The following ANKRD36C variants were observed in gnomAD, a reference collection of about 807,000 sequenced individuals.
ANKRD36C encodes the protein ankyrin repeat domain 36C, also known as ankyrin repeat domain-containing protein 36C.
Under a neutral mutation model 276.4 loss-of-function variants are expected in ANKRD36C, and 61 were observed. That is an observed-to-expected ratio of 0.22 (90% CI 0.18 to 0.27). The LOEUF (loss-of-function observed/expected upper bound fraction) is 0.27, where lower values mean the gene tolerates loss of function less well. ANKRD36C is among the 10% of genes least tolerant of loss of function. The probability of loss-of-function intolerance (pLI) is 1.00; values close to 1 mark genes in which losing one functional copy is unlikely to be tolerated. For synonymous variants in ANKRD36C, 483 were observed against 680.1 expected, an observed-to-expected ratio of 0.71 and a Z score of 4.51; for missense variants, 1,447 against 2,032.3, an observed-to-expected ratio of 0.71 and a Z score of 5.54.
intron 60 of ANKRD36C, among the ~76,000 whole-genome samples, chr2:95,863,173 T>G (rs1023598434): frequency 6.6e-6 from 1 of 152,038 alleles, no homozygotes; most frequent in Admixed American, 6.6e-5. Flanking sequence ...TAATTATAGA[T>G]TCTACAGATA....
exon 63 of ANKRD36C, chr2:95,855,460 G>A (rs755448261): frequency 9.3e-6 from 15 of 1,612,214 alleles, no homozygotes; most frequent in African/African-American, 2.7e-5. Flanking sequence ...GCTTTGTTGC[G>A]AGCATCATCC....
chr2:95,927,182 A>G (rs1305431493), intron 28 of ANKRD36C, 32 bp downstream of exon 28: 1 of 1,607,654 alleles, frequency 6.2e-7, no homozygotes. Context: ...ATCTTGACTG[A>G]ACATGACATT....
intron 3 of ANKRD36C, among the ~76,000 whole-genome samples, chr2:95,984,946 T>G (rs2918833): frequency 6.6e-6 from 1 of 152,218 alleles, no homozygotes; most frequent in Admixed American, 6.5e-5. Context: ...TTATGCCACA[T>G]TTCTAGGTAC....
intron 14 of ANKRD36C, among the ~76,000 whole-genome samples, chr2:95,953,552 A>C (rs867110416): frequency 2.1e-4 from 32 of 152,112 alleles, no homozygotes; most frequent in South Asian, 8.3e-4. Flanking sequence ...TGATGTATTA[A>C]AGATTCATTT....
intron 60 of ANKRD36C, among the ~76,000 whole-genome samples, chr2:95,865,393 A>C (rs1675664460): frequency 1.3e-5 from 2 of 152,222 alleles, no homozygotes; most frequent in African/African-American, 4.8e-5. Context: ...GATCTAGCAC[A>C]GTCAAAACAG....
chr2:95,864,206 G>A (rs1044453865), intron 60 of ANKRD36C, among the ~76,000 whole-genome samples: 2 of 152,060 alleles, frequency 1.3e-5, no homozygotes, highest in African/African-American at 4.8e-5. Flanking sequence ...TAATGAAAAG[G>A]TAATACATCA....
chr2:95,957,285 C>T (rs1369665335), intron 12 of ANKRD36C, among the ~76,000 whole-genome samples: 2 of 152,310 alleles, frequency 1.3e-5, no homozygotes, highest in Admixed American at 1.3e-4. Flanking sequence ...GTCTTTCATA[C>T]AAGACATCAG....
At chr2:95,923,404 CT>C in intron 32 of ANKRD36C, 90 bp downstream of exon 32, 1 of 1,500,440 alleles carries the variant, frequency 6.7e-7, no homozygotes, top group East Asian at 2.4e-5. Flanking sequence ...GAATGTGCAG[CT>C]TTGATGAGCC....
Position 95,978,203 on chromosome 2 carries a change from T to G in ANKRD36C, c.732-14A>C. 1 of 825,478 alleles carries G rather than the reference T, an allele frequency of 1.2e-6. No homozygotes were observed. The highest frequency in any genetic ancestry group is 1.9e-6 in the Non-Finnish European group (1 of 535,218). The allele number at this position is 825,478 out of a possible 1,614,324, so 51.1% of individuals were successfully genotyped here. On this transcript the variant is annotated splice_polypyrimidine_tract_variant and intron_variant, in intron 5 of 66. Coordinates refer to ENST00000456556, the Ensembl canonical transcript of ANKRD36C. ...AGTTCAAAAATGCTATGCATAAAAA[T>G]AAATGAAATTAATATTTTAATACTA... is the stretch of plus-strand genomic sequence containing the variant.
At chr2:95,917,980 T>C in intron 35 of ANKRD36C, 34 bp downstream of exon 37, 1 of 1,599,158 alleles carries the variant, frequency 6.3e-7, no homozygotes, top group Non-Finnish European at 8.5e-7. Context: ...GAAGTATGTG[T>C]CATAGAATAC....
rs766151129 is a variant in ANKRD36C, at chr2:95,891,822, G to C, written c.2784+10C>G. ...TTACTAGTTCACAATATAAATGACA[G>C]TTTCATTACCTTCAAGCCTGATGGT... is the stretch of plus-strand genomic sequence containing the variant. On this transcript the variant is annotated intron_variant, in intron 45 of 66. Coordinates refer to ENST00000456556, the Ensembl canonical transcript of ANKRD36C. 4.5e-6 allele frequency: 7 copies of C among 1,559,994 alleles called. No individual in the cohort carries two copies. The South Asian group carries it at 5.9e-5, about 13-fold the overall frequency.
intron 6 of ANKRD36C, among the ~76,000 whole-genome samples, chr2:95,963,261 T>C (rs985508751): frequency 3.3e-5 from 5 of 152,102 alleles, no homozygotes; most frequent in African/African-American, 9.6e-5. Context: ...TTTATCAATA[T>C]TGACATACTT....
intron 10 of ANKRD36C, among the ~76,000 whole-genome samples, chr2:95,959,285 A>C (rs568743710): frequency 6.6e-6 from 1 of 152,088 alleles, no homozygotes; most frequent in African/African-American, 2.4e-5. Context: ...ACACTTCCCA[A>C]GTGCTCTGTG....
intron 60 of ANKRD36C, among the ~76,000 whole-genome samples, chr2:95,867,080 C>T (rs1284181031): frequency 6.6e-6 from 1 of 152,088 alleles, no homozygotes; most frequent in East Asian, 1.9e-4. Flanking sequence ...GATTGCAGAA[C>T]AGGCCATGGT....
intron 61 of ANKRD36C, among the ~76,000 whole-genome samples, chr2:95,858,212 T>C (rs369676069): frequency 0.039 from 5,848 of 148,440 alleles, 60 homozygotes; most frequent in Admixed American, 0.067. Context: ...TCGGGGGCCA[T>C]GGTCACTCAT....
chr2:95,990,562 A>T (rs1679118572), intron 1 of ANKRD36C, among the ~76,000 whole-genome samples: 1 of 152,248 alleles, frequency 6.6e-6, no homozygotes, highest in African/African-American at 2.4e-5. Context: ...TCGTCACAAT[A>T]GTAAAAGACA....
In ANKRD36C at chr2:95,866,868, C is replaced by T. The variant is rs535017611; in HGVS notation, c.3682+572G>A. Among the ~76,000 whole-genome samples, 22 of 152,130 alleles carry T rather than the reference C, an allele frequency of 1.4e-4. 1 individual carries two copies. The highest frequency in any genetic ancestry group is 4.8e-4 in the African/African-American group (20 of 41,502). On this transcript the variant is annotated intron_variant, in intron 60 of 66. Coordinates refer to ENST00000456556, the Ensembl canonical transcript of ANKRD36C. Reference sequence around the variant, plus strand: ...TACCTTTTACATGTGTGCACTGTATCGCATATCAATTATACCACACTAAAG... The same window carrying T: ...TACCTTTTACATGTGTGCACTGTATTGCATATCAATTATACCACACTAAAG...
intron 40 of ANKRD36C, among the ~76,000 whole-genome samples, chr2:95,913,896 T>C (rs944608104): frequency 2.6e-5 from 4 of 151,536 alleles, no homozygotes; most frequent in African/African-American, 9.6e-5. Flanking sequence ...TTCTTCCCAG[T>C]TTCAATGTGG....
At chr2:95,883,921 C>T (rs1233836903) in intron 54 of ANKRD36C, among the ~76,000 whole-genome samples, 1 of 151,982 alleles carries the variant, frequency 6.6e-6, no homozygotes, top group Non-Finnish European at 1.5e-5. Flanking sequence ...CCCTGAGCCC[C>T]TTGTGTCTTG....
Sources: allele counts gnomAD v4.1 joint callset (sites outside exome capture counted in the v4.1 genomes callset), GRCh38; gene constraint gnomAD v4.1.1; transcripts MANE v1.5; gene names NCBI Gene and HGNC (gene_info 2026-07-23, HGNC 2026-07-21).